The following MMP26 variants were observed in gnomAD, a reference collection of about 807,000 sequenced individuals.
MMP26 encodes matrix metalloproteinase-26.
Under a neutral mutation model 31.0 loss-of-function variants are expected in MMP26, and 33 were observed. That is an observed-to-expected ratio of 1.06 (90% CI 0.81 to 1.42). MMP26 has a LOEUF of 1.42. Among genes scored for constraint, MMP26 ranks in the 40% most tolerant of loss-of-function variants. The pLI is 0.00. For missense variants in MMP26, 347 were observed against 316.1 expected (o/e 1.10, Z -0.74); for synonymous variants, 122 against 114.9 (o/e 1.06, Z -0.40).
intron 2 of MMP26, among the ~76,000 whole-genome samples, chr11:4,825,196 G>A (rs1849563594): frequency 6.6e-6 from 1 of 152,086 alleles, no homozygotes; most frequent in Non-Finnish European, 1.5e-5. Context: ...GAAGGGATCT[G>A]TTTCTTCTGG....
intron 2 of MMP26, chr11:4,944,396 C>G (rs906095454): frequency 1.2e-5 from 2 of 164,756 alleles, no homozygotes; most frequent in African/African-American, 2.4e-5. Flanking sequence ...TTATAAAAAG[C>G]TGGGTCATTG....
chr11:4,940,913 T>A (rs1027008256), intron 2 of MMP26, among the ~76,000 whole-genome samples: 1 of 152,306 alleles, frequency 6.6e-6, no homozygotes, highest in East Asian at 1.9e-4. Context: ...TAATAGTGCA[T>A]ACTAATTTCC....
intron 2 of MMP26, chr11:4,944,124 TA>T: frequency 2.2e-6 from 1 of 455,864 alleles, no homozygotes; most frequent in South Asian, 1.6e-5. Context: ...TTGGAAAAGG[TA>T]GATAGATACA....
chr11:4,915,168 A>C (rs1157020867), intron 2 of MMP26: 1 of 1,614,132 alleles, frequency 6.2e-7, no homozygotes, highest in Non-Finnish European at 8.5e-7. Flanking sequence ...TTGAGCATAA[A>C]AGGTAATGGA....
chr11:4,900,215 TATAAC>T (rs1165050197), intron 2 of MMP26, among the ~76,000 whole-genome samples: 2 of 152,200 alleles, frequency 1.3e-5, no homozygotes, highest in Non-Finnish European at 2.9e-5. Flanking sequence ...CATGAAGTGA[TATAAC>T]ATAATGTCCT....
At chr11:4,876,113 A>T (rs932603139) in intron 2 of MMP26, 2 of 152,144 alleles carry the variant, frequency 1.3e-5, no homozygotes, top group African/African-American at 4.8e-5. Flanking sequence ...CCACACATTT[A>T]TATCTGCACA....
intron 1 of MMP26, among the ~76,000 whole-genome samples, chr11:4,712,848 C>A (rs935236541): frequency 4.0e-5 from 6 of 149,952 alleles, no homozygotes; most frequent in African/African-American, 1.5e-4. Flanking sequence ...CTTATTTTTC[C>A]CTACTATCTA....
rs184727894 is a variant in MMP26, at chr11:4,776,555, G to A, written c.-145+9214G>A. Among the ~76,000 whole-genome samples the A allele has an allele frequency of 4.4e-3, 676 of 152,148 alleles. 4 individuals carry two copies. Among genetic ancestry groups the A allele is most frequent in the Admixed American group, 0.012 (176 of 15,258 alleles). Reference sequence around the variant, plus strand: ...CTCTGATGATTAGTGATATGGTTTGGCTCTGTGCCCCCTACCTAAATCTCA... The same window carrying A: ...CTCTGATGATTAGTGATATGGTTTGACTCTGTGCCCCCTACCTAAATCTCA... On this transcript the variant is annotated intron_variant, in intron 2 of 7. Coordinates refer to ENST00000380390, the MANE Select transcript of MMP26 (RefSeq NM_021801.5).
At chr11:4,943,987 C>G in intron 2 of MMP26, 1 of 410,644 alleles carries the variant, frequency 2.4e-6, no homozygotes, top group Admixed American at 3.0e-5. Flanking sequence ...GAAATGAAGT[C>G]TTCATATTGG....
At chr11:4,988,888 C>A (rs1297472665) in intron 3 of MMP26, among the ~76,000 whole-genome samples, 2 of 152,094 alleles carry the variant, frequency 1.3e-5, no homozygotes, top group Non-Finnish European at 2.9e-5. Context: ...AAGTCATTTG[C>A]CTCTTAGTGC....
intron 1 of MMP26, among the ~76,000 whole-genome samples, chr11:4,748,019 T>C (rs1289614078): frequency 6.6e-6 from 1 of 151,500 alleles, no homozygotes; most frequent in Non-Finnish European, 1.5e-5. Flanking sequence ...GGTGGTTCTT[T>C]GAAAAAATAA....
intron 2 of MMP26, among the ~76,000 whole-genome samples, chr11:4,938,848 T>TA (rs369135554): frequency 4.6e-5 from 7 of 151,950 alleles, no homozygotes; most frequent in African/African-American, 1.4e-4. Flanking sequence ...GGTTTAAAAA[T>TA]AAAAAAACCT....
rs1484244867 is a variant in MMP26 at position 4,821,871 on chromosome 11, G to T, written c.-145+54530G>T. The T allele has an allele frequency of 2.5e-6, 4 of 1,613,960 alleles. No individual in the cohort carries two copies. The Admixed American group carries it at 6.7e-5, about 27-fold the overall frequency. ...GAATTGCCAAGATTGGGATGAGCAT[G>T]TTGATAAGAAATGTTGCCGTCATGT... On this transcript the variant is annotated intron_variant, in intron 2 of 7. Transcript: ENST00000380390.
intron 2 of MMP26, among the ~76,000 whole-genome samples, chr11:4,840,441 G>A (rs1029733830): frequency 6.6e-6 from 1 of 152,226 alleles, no homozygotes; most frequent in African/African-American, 2.4e-5. Flanking sequence ...AGGGGTGCTT[G>A]TGTCACCCCA....
intron 2 of MMP26, among the ~76,000 whole-genome samples, chr11:4,931,342 C>T (rs1331034948): frequency 6.6e-6 from 1 of 151,984 alleles, no homozygotes; most frequent in Non-Finnish European, 1.5e-5. Context: ...GCAGGTAGTG[C>T]CTCTTTTTTA....
chr11:4,923,714 A>G, intron 2 of MMP26: 2 of 1,614,072 alleles, frequency 1.2e-6, no homozygotes, highest in Non-Finnish European at 8.5e-7. Flanking sequence ...GTCCACACCC[A>G]CGGTGCAGGC....
chr11:4,796,392 C>T (rs111872783), intron 2 of MMP26, among the ~76,000 whole-genome samples: 3,774 of 152,266 alleles, frequency 0.025, 78 homozygotes, highest in Admixed American at 0.037. Context: ...CAATATATTA[C>T]TTGAAGTACA....
intron 2 of MMP26, among the ~76,000 whole-genome samples, chr11:4,836,787 G>A (rs941824881): frequency 1.3e-5 from 2 of 150,466 alleles, no homozygotes; most frequent in African/African-American, 4.9e-5. Context: ...AGCCTCCCGA[G>A]TAGCTGGGAC....
intron 1 of MMP26, among the ~76,000 whole-genome samples, chr11:4,708,584 T>A (rs7112203): frequency 0.3 from 45,639 of 152,076 alleles, 7,993 homozygotes; most frequent in African/African-American, 0.48. Context: ...AAGGGGAACA[T>A]AAATATGTTA....
Sources: allele counts gnomAD v4.1 joint callset (sites outside exome capture counted in the v4.1 genomes callset), GRCh38; gene constraint gnomAD v4.1.1; transcripts MANE v1.5; gene names NCBI Gene and HGNC (gene_info 2026-07-23, HGNC 2026-07-21).